Variants in MORC1 observed in about 807,000 individuals in gnomAD.
MORC1 encodes the protein MORC family CW-type zinc finger protein 1.
Under a neutral mutation model 134.9 loss-of-function variants are expected in MORC1, and 59 were observed. The ratio of observed to expected loss-of-function variants is 0.44; its 90% CI spans 0.35 to 0.54. The LOEUF (loss-of-function observed/expected upper bound fraction) is 0.54. Ranked by LOEUF, MORC1 falls within the 20% of genes least tolerant of loss-of-function variation. MORC1 has a pLI of 0.00. For synonymous variants in MORC1, 395 were observed against 391.7 expected (o/e 1.01, Z -0.10); for missense variants, 947 against 1,134.5 (o/e 0.83, Z 2.37).
chr3:108,968,291 A>G (rs1333716899), intron 26 of MORC1, among the ~76,000 whole-genome samples: 1 of 152,238 alleles, frequency 6.6e-6, no homozygotes, highest in Admixed American at 6.5e-5. Context: ...TGGGAGACCA[A>G]TAATTACACC....
chr3:108,986,096 T>C (rs981093755), intron 22 of MORC1, among the ~76,000 whole-genome samples: 1 of 152,072 alleles, frequency 6.6e-6, no homozygotes. Context: ...TTGGGAATGA[T>C]GAAACCAAAT....
chr3:109,083,692 A>T (rs1576724216), intron 8 of MORC1, among the ~76,000 whole-genome samples: 1 of 152,202 alleles, frequency 6.6e-6, no homozygotes, highest in Admixed American at 6.5e-5. Flanking sequence ...TACCAAAACC[A>T]GACAAATACA....
chr3:109,112,192 T>A (rs1212419239), intron 2 of MORC1, among the ~76,000 whole-genome samples: 1 of 152,232 alleles, frequency 6.6e-6, no homozygotes, highest in Non-Finnish European at 1.5e-5. Context: ...TATTAAGACA[T>A]TTTATAATAA....
At chr3:109,019,273 ATCTCCT>A (rs1273472943) in intron 17 of MORC1, among the ~76,000 whole-genome samples, 2 of 152,146 alleles carry the variant, frequency 1.3e-5, no homozygotes, top group Non-Finnish European at 2.9e-5. Context: ...TGCTGCTTGC[ATCTCCT>A]TCTTCAAAGA....
chr3:109,010,867 C>T (rs1948665547), intron 17 of MORC1, among the ~76,000 whole-genome samples: 2 of 152,206 alleles, frequency 1.3e-5, no homozygotes, highest in African/African-American at 4.8e-5. Context: ...TAGCTTTCCA[C>T]TGAATGGACA....
chr3:109,000,671 A>G lies in MORC1; in HGVS notation c.2086-13T>C. 1 of 1,591,788 alleles carries G rather than the reference A, an allele frequency of 6.3e-7. No individual in the cohort carries two copies. The highest frequency in any genetic ancestry group is 8.6e-7 in the Non-Finnish European group (1 of 1,165,624). On this transcript the variant is annotated splice_polypyrimidine_tract_variant and intron_variant, in intron 20 of 27. Coordinates refer to ENST00000232603, the MANE Select transcript of MORC1 (RefSeq NM_014429.4). ...CCCAAGAAGCGGCCTATAACAAGGA[A>G]TTAACAAAAAAAATACAAGGATTAG...
At chr3:109,103,527 A>C (rs969539325) in intron 4 of MORC1, among the ~76,000 whole-genome samples, 2 of 152,228 alleles carry the variant, frequency 1.3e-5, no homozygotes, top group African/African-American at 4.8e-5. Flanking sequence ...GGATGAGCTA[A>C]AAACAATCTC....
At chr3:109,063,317 C>A (rs1353914821) in intron 9 of MORC1, 86 bp from the exon 10 acceptor site, 1 of 714,246 alleles carries the variant, frequency 1.4e-6, no homozygotes, top group East Asian at 2.7e-5. Flanking sequence ...ACTATATGCT[C>A]CAGAGATACA....
intron 9 of MORC1, among the ~76,000 whole-genome samples, chr3:109,063,836 A>T (rs925786444): frequency 6.6e-6 from 1 of 152,134 alleles, no homozygotes; most frequent in Non-Finnish European, 1.5e-5. Flanking sequence ...TAGGTGAGAA[A>T]AGCTCTACAG....
rs767952818 is a variant in MORC1 at position 108,963,561 on chromosome 3, T to C, written c.2652A>G (p.Lys884=). Residue 884 remains lysine, a synonymous_variant, in exon 27 of 28, where the codon AAA becomes AAG. Transcript: ENST00000232603. ...TTGAATCATAGATAATGGACTGCAA[T>C]TTCCTCTTTATTTTTTTTTCATATT... ...MVQYEKKIKR[K]LQSIIYDSNT... is the part of the protein sequence containing the mutation. 8.8e-6 allele frequency: 14 copies of C among 1,593,542 alleles called. No homozygotes were observed. In the East Asian group the frequency reaches 3.1e-4, roughly 36 times the overall value.
At chr3:109,095,135 T>C in intron 6 of MORC1, 67 bp from the exon 7 acceptor site, 3 of 1,412,404 alleles carry the variant, frequency 2.1e-6, no homozygotes, top group Non-Finnish European at 2.9e-6. Context: ...TTGTCTTATC[T>C]ATTTCATTCC....
chr3:109,092,313 G>A (rs1576734294), intron 8 of MORC1, among the ~76,000 whole-genome samples: 1 of 152,148 alleles, frequency 6.6e-6, no homozygotes, highest in Non-Finnish European at 1.5e-5. Flanking sequence ...ACATACAACA[G>A]CAATAAGGAG....
Position 108,979,753 on chromosome 3 carries a change from A to G in MORC1, c.2325-86T>C, listed in dbSNP as rs1258722499. 17 of 1,482,250 alleles carry G rather than the reference A, an allele frequency of 1.1e-5. 1 individual carries two copies. In the East Asian group the frequency reaches 3.4e-4, roughly 30 times the overall value. 91.8% of individuals were successfully genotyped at this position (1,482,250 alleles called of 1,614,324 possible). On this transcript the variant is annotated intron_variant, in intron 23 of 27. Coordinates refer to ENST00000232603, the MANE Select transcript of MORC1 (RefSeq NM_014429.4). ...ATATACAAAAATGAGTGAAATGTTC[A>G]TATACAACAAATGAGAACAAGAACA... is the stretch of plus-strand genomic sequence containing the variant.
chr3:109,078,516 A>G lies in MORC1; in HGVS notation c.690-8759T>C, dbSNP rs1380869635. ...AGAAATAAACAACAGTAAGAGTTCT[A>G]TATTTTGAAACCTGTAGAATACAGC... On this transcript the variant is annotated intron_variant, in intron 8 of 27. Transcript: ENST00000232603. Among the ~76,000 whole-genome samples the G allele has an allele frequency of 4.6e-5, 7 of 152,132 alleles. No individual in the cohort carries two copies. The South Asian group carries it at 1.0e-3, about 22-fold the overall frequency.
intron 1 of MORC1, among the ~76,000 whole-genome samples, chr3:109,116,669 A>G (rs1202309213): frequency 6.6e-6 from 1 of 152,096 alleles, no homozygotes; most frequent in East Asian, 1.9e-4. Flanking sequence ...AGTCCCAGCT[A>G]CTCGGAAGGC....
At chr3:109,007,775 G>C (rs917893593) in intron 17 of MORC1, among the ~76,000 whole-genome samples, 8 of 152,114 alleles carry the variant, frequency 5.3e-5, no homozygotes, top group African/African-American at 1.9e-4. Flanking sequence ...AGGTAATATA[G>C]TCACATATGA....
chr3:109,004,282 A>G (rs1203540340), intron 20 of MORC1, among the ~76,000 whole-genome samples: 1 of 152,086 alleles, frequency 6.6e-6, no homozygotes, highest in East Asian at 1.9e-4. Context: ...AACAATATCG[A>G]CTCTTTAAGG....
At chr3:109,070,989 G>A (rs1242682330) in intron 8 of MORC1, among the ~76,000 whole-genome samples, 5 of 152,120 alleles carry the variant, frequency 3.3e-5, no homozygotes. Context: ...TAATACTAGT[G>A]TATTTTTTAA....
intron 14 of MORC1, among the ~76,000 whole-genome samples, chr3:109,039,479 T>G (rs1382231339): frequency 6.6e-6 from 1 of 152,172 alleles, no homozygotes; most frequent in Non-Finnish European, 1.5e-5. Flanking sequence ...GTAGGAAGCA[T>G]CAGAAGTCTG....
Sources: gnomAD v4.1 joint callset for allele counts (sites outside exome capture counted in the v4.1 genomes callset) on GRCh38, gnomAD v4.1.1 for gene constraint, MANE v1.5 for transcripts, NCBI Gene and HGNC (gene_info 2026-07-23, HGNC 2026-07-21) for gene names.